Variants in CNTN6 observed in about 807,000 individuals in gnomAD.
The protein encoded by CNTN6 is contactin 6, also known as contactin-6.
CNTN6 carries 137 observed loss-of-function variants against 122.8 expected under a neutral mutation model. That is an observed-to-expected ratio of 1.12 (90% CI 0.97 to 1.29). The LOEUF (loss-of-function observed/expected upper bound fraction) is 1.29. Among genes scored for constraint, CNTN6 ranks in the 50% most tolerant of loss-of-function variants. The pLI is 0.00. For synonymous variants in CNTN6, 570 were observed against 426.0 expected (o/e 1.34, Z -4.16); for missense variants, 1,634 against 1,223.4 (o/e 1.34, Z -5.01).
rs750903686 is a variant in CNTN6 at position 1,321,634 on chromosome 3, A to G, written c.762-16A>G. 6.3e-6 allele frequency: 10 copies of G among 1,588,412 alleles called. No homozygotes were observed. Among genetic ancestry groups the G allele is most frequent in the Admixed American group, 1.8e-5 (1 of 54,398 alleles). The stretch of plus-strand genomic sequence containing the variant: ...GATTAAACCGTCTTCTATTCTAATG[A>G]GGTGTAACTGTTTAGTCCAGTCCCC... On this transcript the variant is annotated splice_polypyrimidine_tract_variant and intron_variant, in intron 7 of 22. Transcript: ENST00000446702.
At chr3:1,239,992 T>C (rs1229871817) in intron 4 of CNTN6, among the ~76,000 whole-genome samples, 2 of 151,974 alleles carry the variant, frequency 1.3e-5, no homozygotes, top group Non-Finnish European at 2.9e-5. Flanking sequence ...TGAAACTGGA[T>C]CCTCATCTCT....
intron 12 of CNTN6, among the ~76,000 whole-genome samples, chr3:1,364,637 G>C (rs1207455578): frequency 6.6e-6 from 1 of 151,846 alleles, no homozygotes. Flanking sequence ...TATTTATTTG[G>C]CCATTGATAT....
chr3:1,226,338 A>G (rs1447311016), intron 3 of CNTN6, among the ~76,000 whole-genome samples: 1 of 152,090 alleles, frequency 6.6e-6, no homozygotes, highest in Non-Finnish European at 1.5e-5. Context: ...ATAGGAAAAG[A>G]TCATTCACTT....
At chr3:1,175,222 CA>C (rs61606722) in intron 2 of CNTN6, among the ~76,000 whole-genome samples, 13,956 of 76,800 alleles carry the variant, frequency 0.18, 375 homozygotes, top group African/African-American at 0.34. Flanking sequence ...GACTTTGTCT[CA>C]AAAAAAAAAA....
chr3:1,397,203 G>A (rs997845212), intron 20 of CNTN6, among the ~76,000 whole-genome samples: 26 of 152,062 alleles, frequency 1.7e-4, no homozygotes, highest in African/African-American at 6.0e-4. Context: ...TTTTAGAGAA[G>A]AGGCAACCTA....
At chr3:1,108,557 A>G (rs1329536403) in intron 1 of CNTN6, among the ~76,000 whole-genome samples, 3 of 152,024 alleles carry the variant, frequency 2.0e-5, no homozygotes, top group South Asian at 2.1e-4. Context: ...TGAGCTCTTG[A>G]GTGCTCAAAC....
At chr3:1,257,687 T>G (rs1575449734) in intron 4 of CNTN6, among the ~76,000 whole-genome samples, 1 of 152,220 alleles carries the variant, frequency 6.6e-6, no homozygotes, top group East Asian at 1.9e-4. Flanking sequence ...TCCCAATTAC[T>G]CTAAATAATT....
intron 5 of CNTN6, among the ~76,000 whole-genome samples, chr3:1,283,129 C>A (rs1452321109): frequency 6.6e-6 from 1 of 152,124 alleles, no homozygotes; most frequent in African/African-American, 2.4e-5. Context: ...CATGCCACCA[C>A]ACCCAGCTAA....
chr3:1,320,078 G>A (rs1700641043), intron 7 of CNTN6, among the ~76,000 whole-genome samples: 1 of 151,578 alleles, frequency 6.6e-6, no homozygotes, highest in Non-Finnish European at 1.5e-5. Flanking sequence ...TCAGTTATCT[G>A]AGGTTAATTG....
At chr3:1,274,245 G>A (rs10510168) in intron 4 of CNTN6, among the ~76,000 whole-genome samples, 13,356 of 152,150 alleles carry the variant, frequency 0.088, 616 homozygotes, top group Non-Finnish European at 0.1. Flanking sequence ...CAAAGTCATA[G>A]AGGACTCCCA....
chr3:1,372,581 CT>C (rs1326213043), intron 13 of CNTN6, 107 bp downstream of exon 13: 5 of 976,272 alleles, frequency 5.1e-6, no homozygotes, highest in Non-Finnish European at 7.4e-6. Flanking sequence ...TGGATAATCA[CT>C]GACTGTTTTT....
At chr3:1,274,951 C>A (rs1048267770) in intron 4 of CNTN6, among the ~76,000 whole-genome samples, 5 of 151,986 alleles carry the variant, frequency 3.3e-5, no homozygotes, top group Admixed American at 6.6e-5. Flanking sequence ...CCCAAATGAC[C>A]ACCCAACGCC....
intron 5 of CNTN6, among the ~76,000 whole-genome samples, chr3:1,289,959 C>T (rs895897685): frequency 5.9e-5 from 9 of 152,270 alleles, no homozygotes; most frequent in African/African-American, 1.9e-4. Flanking sequence ...CAGGCGTGAG[C>T]CAATGCGCCC....
intron 7 of CNTN6, among the ~76,000 whole-genome samples, chr3:1,300,521 G>GGA (rs1162971787): frequency 5.8e-5 from 8 of 137,610 alleles, no homozygotes; most frequent in South Asian, 2.2e-4. Context: ...AAGAAAGAAA[G>GGA]AAAGATAAAG....
At chr3:1,172,620 C>CTCTG (rs762907787) in intron 2 of CNTN6, among the ~76,000 whole-genome samples, 58 of 150,288 alleles carry the variant, frequency 3.9e-4, no homozygotes, top group Middle Eastern at 3.4e-3. Context: ...CAATAACTCT[C>CTCTG]TGTGTGTGTG....
chr3:1,274,173 T>C (rs996216428), intron 4 of CNTN6, among the ~76,000 whole-genome samples: 19 of 152,116 alleles, frequency 1.2e-4, no homozygotes, highest in African/African-American at 4.3e-4. Context: ...ATTTTTTTTG[T>C]TTTAAAATAA....
chr3:1,341,648 G>C (rs545224935), intron 11 of CNTN6, among the ~76,000 whole-genome samples: 1 of 152,230 alleles, frequency 6.6e-6, no homozygotes, highest in Admixed American at 6.5e-5. Context: ...CTGTGTTTGT[G>C]TTGCGTCAGC....
Position 1,401,569 on chromosome 3 carries a change from A to G in CNTN6, c.2817+24A>G, listed in dbSNP as rs541974017. 36 of 1,502,092 alleles carry G rather than the reference A, an allele frequency of 2.4e-5. 1 individual carries two copies. In the Admixed American group the frequency reaches 4.2e-4, roughly 18 times the overall value. 93.0% of individuals were successfully genotyped at this position (1,502,092 alleles called of 1,614,324 possible). ...AGGTGAGTTTTTAGTTTTTCCTTTA[A>G]TCATATCAATTAAGTTACTAAGGAA... is the stretch of plus-strand genomic sequence containing the variant. On this transcript the variant is annotated intron_variant, in intron 21 of 22. Transcript: ENST00000446702.
chr3:1,178,905 A>G (rs1218527987), intron 2 of CNTN6, among the ~76,000 whole-genome samples: 1 of 151,908 alleles, frequency 6.6e-6, no homozygotes, highest in South Asian at 2.1e-4. Flanking sequence ...TCACACTGCA[A>G]CTCTCTGTTA....
Sources: allele counts gnomAD v4.1 joint callset (sites outside exome capture counted in the v4.1 genomes callset), GRCh38; gene constraint gnomAD v4.1.1; transcripts MANE v1.5; gene names NCBI Gene and HGNC (gene_info 2026-07-23, HGNC 2026-07-21).